The following PIK3R6 variants were observed in gnomAD, a reference collection of about 807,000 sequenced individuals.
PIK3R6 encodes the protein phosphoinositide-3-kinase regulatory subunit 6.
A neutral mutation model predicts 84.9 loss-of-function variants in PIK3R6; 91 were observed. That is an observed-to-expected ratio of 1.07 (90% CI 0.90 to 1.28). The LOEUF (loss-of-function observed/expected upper bound fraction) is 1.28, where lower values mean the gene tolerates loss of function less well. Ranked by LOEUF, PIK3R6 falls within the 50% of genes most tolerant of loss-of-function variation. The probability of loss-of-function intolerance (pLI) is 0.00; values close to 1 mark genes in which losing one functional copy is unlikely to be tolerated. For synonymous variants in PIK3R6, 416 were observed against 411.4 expected, an observed-to-expected ratio of 1.01 and a Z score of -0.13; for missense variants, 996 against 985.1, an observed-to-expected ratio of 1.01 and a Z score of -0.15.
At chr17:8,822,191 G>A (rs539072964) in intron 16 of PIK3R6, among the ~76,000 whole-genome samples, 13 of 151,728 alleles carry the variant, frequency 8.6e-5, no homozygotes, top group Admixed American at 2.0e-4. Flanking sequence ...TGCCAGACCC[G>A]GTTTTGTCTA....
chr17:8,823,546 T>G (rs746111240), intron 13 of PIK3R6, 49 bp from the exon 14 acceptor site: 1 of 1,283,284 alleles, frequency 7.8e-7, no homozygotes, highest in Non-Finnish European at 1.1e-6. Context: ...AAGGCCACTG[T>G]GGGAGATGCC....
chr17:8,820,293 G>C (rs1022492572), intron 17 of PIK3R6, among the ~76,000 whole-genome samples: 2 of 152,004 alleles, frequency 1.3e-5, no homozygotes, highest in African/African-American at 4.8e-5. Context: ...AGGGTCTAGA[G>C]TAGGGCTGGG....
In PIK3R6 at chr17:8,811,150, T is replaced by G. The variant is rs1485927085; in HGVS notation, c.1996-6997A>C. On this transcript the variant is annotated intron_variant, in intron 18 of 19. Transcript: ENST00000619866. ...GTGCACTTGCAGGCTCAACACCACA[T>G]GAAAGCTGCCAAGCCTTAGGGCTCG... 4.0e-5 allele frequency among the ~76,000 whole-genome samples: 6 copies of G among 148,832 alleles called. 1 individual carries two copies. The highest frequency in any genetic ancestry group is 1.5e-4 in the African/African-American group (6 of 40,000).
In PIK3R6 at chr17:8,809,574, C is replaced by T. The variant is rs527763183; in HGVS notation, c.1996-5421G>A. Among the ~76,000 whole-genome samples the T allele has an allele frequency of 3.3e-5, 5 of 152,244 alleles. No homozygotes were observed. In the East Asian group the frequency reaches 9.7e-4, roughly 29 times the overall value. On this transcript the variant is annotated intron_variant, in intron 18 of 19. Coordinates refer to ENST00000619866, the MANE Select transcript of PIK3R6 (RefSeq NM_001010855.4). Reference sequence around the variant, plus strand: ...GTTCCAGGCATTAAAGTAGGAGGATCACTTGAGTCCAGGAATTTGAGACTA... The same window carrying T: ...GTTCCAGGCATTAAAGTAGGAGGATTACTTGAGTCCAGGAATTTGAGACTA...
intron 9 of PIK3R6, among the ~76,000 whole-genome samples, chr17:8,832,375 C>CT (rs759188865): frequency 0.042 from 3,229 of 77,718 alleles, 258 homozygotes; most frequent in East Asian, 0.26. Context: ...TACCCACCTT[C>CT]TTTTTTTTTT....
intron 1 of PIK3R6, among the ~76,000 whole-genome samples, chr17:8,867,101 C>T (rs2089429913): frequency 6.6e-6 from 1 of 152,176 alleles, no homozygotes; most frequent in Non-Finnish European, 1.5e-5. Context: ...GTTGCTTCAT[C>T]TCCCTAAGCC....
At chr17:8,843,200 T>C (rs2088730279) in intron 2 of PIK3R6, among the ~76,000 whole-genome samples, 1 of 152,222 alleles carries the variant, frequency 6.6e-6, no homozygotes, top group South Asian at 2.1e-4. Context: ...ATTTCCACCT[T>C]GCATGAAGAT....
intron 17 of PIK3R6, among the ~76,000 whole-genome samples, chr17:8,819,951 A>G (rs1479675955): frequency 1.7e-5 from 2 of 120,018 alleles, no homozygotes; most frequent in Non-Finnish European, 3.2e-5. Flanking sequence ...TTATATATAT[A>G]TATATTTTTT....
chr17:8,858,160 G>A (rs2089187674), intron 1 of PIK3R6, among the ~76,000 whole-genome samples: 1 of 152,166 alleles, frequency 6.6e-6, no homozygotes, highest in African/African-American at 2.4e-5. Context: ...GAGCTTGCAC[G>A]TAGACAGGAA....
At chr17:8,824,742 T>A (rs1472103653) in intron 13 of PIK3R6, among the ~76,000 whole-genome samples, 4 of 152,160 alleles carry the variant, frequency 2.6e-5, no homozygotes, top group Non-Finnish European at 5.9e-5. Context: ...CCCACTGTAA[T>A]AGCATCCAAG....
chr17:8,865,781 C>T (rs746504985), intron 1 of PIK3R6, among the ~76,000 whole-genome samples: 3 of 151,610 alleles, frequency 2.0e-5, no homozygotes, highest in Non-Finnish European at 4.4e-5. Flanking sequence ...GTCCTGCTGC[C>T]CTGGCTGGCC....
At chr17:8,865,859 A>G (rs576701107) in intron 1 of PIK3R6, among the ~76,000 whole-genome samples, 1 of 138,956 alleles carries the variant, frequency 7.2e-6, no homozygotes, top group Admixed American at 7.2e-5. Flanking sequence ...ACACCTGGAT[A>G]TGAAAGAGCC....
At chr17:8,807,305 G>A (rs544108748) in intron 18 of PIK3R6, among the ~76,000 whole-genome samples, 3 of 152,274 alleles carry the variant, frequency 2.0e-5, no homozygotes, top group South Asian at 2.1e-4. Flanking sequence ...ACAAACATCC[G>A]GTGAGGCCCT....
intron 1 of PIK3R6, among the ~76,000 whole-genome samples, chr17:8,861,780 A>C (rs1597446049): frequency 6.6e-6 from 1 of 152,318 alleles, no homozygotes; most frequent in Non-Finnish European, 1.5e-5. Context: ...AAGACCTCCA[A>C]TAGTACTGAA....
At position 8,854,135 on chromosome 17, in the gene PIK3R6, G is replaced by A. The variant is rs1426374132; in HGVS notation, c.-91-4250C>T. Among the ~76,000 whole-genome samples the A allele has an allele frequency of 2.0e-5, 3 of 151,918 alleles. No individual in the cohort carries two copies. The East Asian group carries it at 5.8e-4, about 29-fold the overall frequency. On this transcript the variant is annotated intron_variant, in intron 1 of 19. Transcript: ENST00000619866. ...ACAGTTTTGAAAATGAATAATGCCT[G>A]AGAACTCACACTCCTTTATTTTTAT...
chr17:8,827,034 C>A, intron 13 of PIK3R6, 138 bp downstream of exon 13: 1 of 992,294 alleles, frequency 1.0e-6, no homozygotes, highest in Non-Finnish European at 1.4e-6. Flanking sequence ...GGTCAAAGGT[C>A]AAGTGCAGCA....
In PIK3R6 at chr17:8,822,647, T is replaced by A. The variant is rs765378117; in HGVS notation, c.1728A>T (p.Ser576=). The A allele has an allele frequency of 7.6e-5, 123 of 1,613,788 alleles. 3 individuals are homozygous for A. Among genetic ancestry groups the A allele is most frequent in the South Asian group, 4.7e-4 (43 of 91,086 alleles). Residue 576 remains serine (S), a synonymous_variant, in exon 16 of 20, where the codon TCA becomes TCT. Transcript: ENST00000619866. ...CCTCAGCCACGCCTCTCCTCCTGGG[T>A]GAAAAGCCATCTGTGGGGAGATGAG... ...QDSKFPKDGF[S]PRRRGVAEGP... is the part of the protein sequence containing the mutation.
intron 18 of PIK3R6, 108 bp from the exon 19 acceptor site, chr17:8,804,261 G>A: frequency 3.4e-6 from 3 of 876,040 alleles, no homozygotes; most frequent in Admixed American, 4.1e-5. Context: ...AGCACATGGG[G>A]TCCCCAGCTC....
chr17:8,836,477 C>G (rs1433105544), intron 7 of PIK3R6, 70 bp downstream of exon 7: 1 of 1,538,638 alleles, frequency 6.5e-7, no homozygotes, highest in East Asian at 2.2e-5. Flanking sequence ...GTCCTCCTGC[C>G]AGGGAGCAGT....
Sources: allele counts gnomAD v4.1 joint callset (sites outside exome capture counted in the v4.1 genomes callset), GRCh38; gene constraint gnomAD v4.1.1; transcripts MANE v1.5; gene names NCBI Gene and HGNC (gene_info 2026-07-23, HGNC 2026-07-21).